The following CALN1 variants were observed in gnomAD, a reference collection of about 807,000 sequenced individuals.
CALN1 encodes calneuron 1, also known as calcium-binding protein 8.
Under a neutral mutation model 30.6 loss-of-function variants are expected in CALN1, and 17 were observed. The ratio of observed to expected loss-of-function variants is 0.56; its 90% CI spans 0.38 to 0.83. The LOEUF (loss-of-function observed/expected upper bound fraction) is 0.83. CALN1 is among the 40% of genes least tolerant of loss of function. The pLI is 0.00. For missense variants in CALN1, 291 were observed against 354.9 expected (o/e 0.82, Z 1.45); for synonymous variants, 156 against 131.4 (o/e 1.19, Z -1.28).
intron 3 of CALN1, among the ~76,000 whole-genome samples, chr7:72,226,393 A>T (rs1318305716): frequency 6.6e-6 from 1 of 151,552 alleles, no homozygotes; most frequent in African/African-American, 2.4e-5. Flanking sequence ...CCCAATGCAT[A>T]GTCTAGCCCA....
At chr7:72,149,444 G>A (rs551528433) in intron 3 of CALN1, among the ~76,000 whole-genome samples, 1 of 152,246 alleles carries the variant, frequency 6.6e-6, no homozygotes, top group South Asian at 2.1e-4. Flanking sequence ...TCCAGGCTGG[G>A]TGACAGAGTG....
rs544007400 is a variant in CALN1, at chr7:72,111,081, G to A, written c.245-4787C>T. Among the ~76,000 whole-genome samples the A allele has an allele frequency of 4.9e-4, 74 of 152,286 alleles. 1 individual carries two copies. The highest frequency in any genetic ancestry group is 1.6e-3 in the African/African-American group (68 of 41,556). On this transcript the variant is annotated intron_variant, in intron 3 of 6. Transcript: ENST00000395275. ...AGTCTCTGGTGCGCCAGGGCTACGT[G>A]AGCACGCTGTATCTTTGGTCTTTAA...
At chr7:72,057,126 T>C (rs1803308644) in intron 4 of CALN1, among the ~76,000 whole-genome samples, 2 of 151,938 alleles carry the variant, frequency 1.3e-5, no homozygotes, top group East Asian at 1.9e-4. Flanking sequence ...AAAAAAAAGT[T>C]TGTAGAGATG....
intron 1 of CALN1, among the ~76,000 whole-genome samples, chr7:72,411,735 TA>T (rs775043184): frequency 3.7e-4 from 56 of 152,326 alleles, no homozygotes; most frequent in African/African-American, 1.1e-3. Context: ...CCAAATATGG[TA>T]CAACTCATTA....
intron 2 of CALN1, among the ~76,000 whole-genome samples, chr7:72,355,254 T>G (rs1160874764): frequency 6.6e-6 from 1 of 152,188 alleles, no homozygotes. Flanking sequence ...GGCCGGCCGC[T>G]GTGGCTAACA....
intron 3 of CALN1, among the ~76,000 whole-genome samples, chr7:72,216,622 T>A (rs1034027657): frequency 1.1e-4 from 16 of 151,964 alleles, no homozygotes; most frequent in Non-Finnish European, 1.3e-4. Flanking sequence ...TCACCTGCCT[T>A]CTCACTCCTG....
At chr7:72,401,279 C>T (rs1038549565) in intron 2 of CALN1, among the ~76,000 whole-genome samples, 2 of 151,800 alleles carry the variant, frequency 1.3e-5, no homozygotes, top group Non-Finnish European at 2.9e-5. Flanking sequence ...GGGGAGAACA[C>T]GTTCCTGATG....
At chr7:72,133,438 A>G (rs1410042355) in intron 3 of CALN1, among the ~76,000 whole-genome samples, 2 of 152,244 alleles carry the variant, frequency 1.3e-5, no homozygotes, top group African/African-American at 4.8e-5. Flanking sequence ...GCTCTTACTT[A>G]CAGAATAATG....
At chr7:72,435,292 GGAACGA>G (rs1808116926) in intron 1 of CALN1, among the ~76,000 whole-genome samples, 1 of 151,710 alleles carries the variant, frequency 6.6e-6, no homozygotes, top group Non-Finnish European at 1.5e-5. Context: ...AAGGGGAAGG[GGAACGA>G]GAAGGGGGAA....
chr7:72,034,729 G>A (rs1801681606), intron 4 of CALN1, among the ~76,000 whole-genome samples: 3 of 148,920 alleles, frequency 2.0e-5, no homozygotes, highest in African/African-American at 7.5e-5. Context: ...CGGAGATTGT[G>A]GTGAGCTGTG....
chr7:72,390,274 C>A (rs1805497595), intron 2 of CALN1, among the ~76,000 whole-genome samples: 1 of 150,748 alleles, frequency 6.6e-6, no homozygotes, highest in Non-Finnish European at 1.5e-5. Context: ...ACTAAAAATA[C>A]AAAAAAATTA....
At chr7:72,286,796 G>A (rs763160132) in intron 2 of CALN1, among the ~76,000 whole-genome samples, 1 of 152,174 alleles carries the variant, frequency 6.6e-6, no homozygotes, top group Non-Finnish European at 1.5e-5. Flanking sequence ...ATTAGAGAAG[G>A]AAGAACTTTC....
intron 5 of CALN1, among the ~76,000 whole-genome samples, chr7:71,981,743 T>C (rs1018757459): frequency 6.6e-5 from 10 of 151,812 alleles, no homozygotes; most frequent in Admixed American, 4.6e-4. Flanking sequence ...TGGAAGTTCC[T>C]GGAGGGTGGA....
intron 3 of CALN1, among the ~76,000 whole-genome samples, chr7:72,214,789 C>A (rs1792657574): frequency 6.6e-6 from 1 of 152,132 alleles, no homozygotes; most frequent in African/African-American, 2.4e-5. Flanking sequence ...TGAGCTCCAC[C>A]TCCTGTCAAA....
intron 4 of CALN1, among the ~76,000 whole-genome samples, chr7:72,041,233 G>C (rs1271894003): frequency 6.6e-6 from 1 of 152,090 alleles, no homozygotes; most frequent in Admixed American, 6.5e-5. Context: ...CTCCAATCAA[G>C]GGCAGGTGGT....
chr7:72,338,470 A>AGAGTGTGTGTGTGTGTGTGTGTGTGT (rs1031551970), intron 2 of CALN1, among the ~76,000 whole-genome samples: 27 of 74,800 alleles, frequency 3.6e-4, no homozygotes, highest in African/African-American at 4.2e-4. Context: ...CCAGCAGCAC[A>AGAGTGTGTGTGTGTGTGTGTGTGTGT]GTGTGTGTGT....
intron 5 of CALN1, among the ~76,000 whole-genome samples, chr7:71,865,675 A>C (rs1397698789): frequency 6.6e-6 from 1 of 152,172 alleles, no homozygotes; most frequent in Non-Finnish European, 1.5e-5. Context: ...AATTGGGAGG[A>C]CACATGGTGG....
intron 2 of CALN1, among the ~76,000 whole-genome samples, chr7:72,355,284 G>A (rs1248390779): frequency 6.6e-6 from 1 of 152,202 alleles, no homozygotes; most frequent in Non-Finnish European, 1.5e-5. Flanking sequence ...TCAGCACTTG[G>A]GGAGGCCAAA....
chr7:72,345,333 GAAGA>G (rs1457409201), intron 2 of CALN1, among the ~76,000 whole-genome samples: 4 of 135,738 alleles, frequency 2.9e-5, no homozygotes, highest in African/African-American at 8.2e-5. Context: ...AGGAAAGAAA[GAAGA>G]AAGTGGAAGG....
Sources: gnomAD v4.1 joint callset for allele counts (sites outside exome capture counted in the v4.1 genomes callset) on GRCh38, gnomAD v4.1.1 for gene constraint, MANE v1.5 for transcripts, NCBI Gene and HGNC (gene_info 2026-07-23, HGNC 2026-07-21) for gene names.